Variants in ZNF467 observed in about 807,000 individuals in gnomAD.
ZNF467 encodes the protein zinc finger protein EZI.
In ZNF467, 51 loss-of-function variants were observed where a neutral mutation model predicts 47.8. The ratio of observed to expected loss-of-function variants is 1.07; its 90% CI spans 0.85 to 1.35. The LOEUF is 1.35. Among genes scored for constraint, ZNF467 ranks in the 40% most tolerant of loss-of-function variants. The pLI, the probability that ZNF467 is intolerant of heterozygous loss-of-function variation, is 0.00. For synonymous variants in ZNF467, 416 were observed against 372.9 expected (o/e 1.12, Z -1.33); for missense variants, 992 against 858.1 (o/e 1.16, Z -1.95).
upstream of ZNF467, among the ~76,000 whole-genome samples, chr7:149,774,086 G>T (rs1018822816): frequency 6.6e-6 from 1 of 152,038 alleles, no homozygotes; most frequent in Admixed American, 6.5e-5. This position sits in a 1 kb window ranked among gnomAD's most constrained non-coding sequence, Gnocchi z 5.7. Flanking sequence ...GCGGGGTCCG[G>T]GGGAGGGTCT....
At position 149,770,979 on chromosome 7, in the gene ZNF467, C is replaced by T. The variant is rs1228805876; in HGVS notation, c.34+20G>A. ...TCCTCCTAAGCTTTTCCCCAAGTCC[C>T]TTCATTTCTGCCAGCTCACCCAGGG... On this transcript the variant is annotated intron_variant, in intron 2 of 4. Transcript: ENST00000302017. The T allele has an allele frequency of 3.1e-6, 5 of 1,613,950 alleles. No homozygotes were observed. The highest frequency in any genetic ancestry group is 4.2e-6 in the Non-Finnish European group (5 of 1,179,954).
chr7:149,770,358 G>C, intron 3 of ZNF467, 82 bp downstream of exon 3: 1 of 766,290 alleles, frequency 1.3e-6, no homozygotes, highest in Admixed American at 3.0e-5. Context: ...GAGGGGGGAG[G>C]GAAGAAGGGA....
At position 149,770,881 on chromosome 7, in the gene ZNF467, A is replaced by ACAGG. The variant is rs1353429252; in HGVS notation, c.34+114_34+117dup. 3.8e-6 allele frequency: 5 copies of ACAGG among 1,306,046 alleles called. No homozygotes were observed. In the Admixed American group the frequency reaches 9.4e-5, roughly 25 times the overall value. 80.9% of individuals were successfully genotyped at this position (1,306,046 alleles called of 1,614,324 possible). A position where few individuals can be genotyped will look rare whatever the true frequency, so the allele number is the denominator to read the frequency against. On this transcript the variant is annotated intron_variant, in intron 2 of 4. Transcript: ENST00000302017. Reference sequence around the variant, plus strand: ...GTGCTACAGAAAAGGAGGCTGACCTACAGGCCCCTGGGGCCTCAGGGTTGC... The same window carrying ACAGG: ...GTGCTACAGAAAAGGAGGCTGACCTACAGGCAGGCCCCTGGGGCCTCAGGGTTGC...
intron 4 of ZNF467, among the ~76,000 whole-genome samples, chr7:149,767,026 G>A (rs1358637952): frequency 6.6e-6 from 1 of 152,242 alleles, no homozygotes; most frequent in Non-Finnish European, 1.5e-5. Context: ...AGGGGATTCC[G>A]CTGGAGTGTT....
At position 149,765,944 on chromosome 7, in the gene ZNF467, G is replaced by A. The variant is rs1381156212; in HGVS notation, c.558C>T (p.Gly186=). ...RLHQRLHRGE[G]PCACPDCGRS... is the part of the protein sequence containing the mutation. ...GGCCGCAGTCCGGGCAGGCGCAGGG[G>A]CCCTCGCCCCGGTGCAGCCGCTGGT... Residue 186 remains glycine, a synonymous_variant, in exon 5 of 5, where the codon GGC becomes GGT. Transcript: ENST00000302017. The A allele has an allele frequency of 6.4e-7, 1 of 1,552,864 alleles. No homozygotes were observed.
At chr7:149,775,935 C>T (rs1331942234), upstream of ZNF467, 12 of 859,370 alleles carry the variant, frequency 1.4e-5, no homozygotes, top group Middle Eastern at 8.4e-4. Context: ...GGGGAGGCTG[C>T]GTGGGGCAGG....
upstream of ZNF467, among the ~76,000 whole-genome samples, chr7:149,774,125 C>T (rs1205109966): frequency 6.6e-6 from 1 of 151,388 alleles, no homozygotes; most frequent in East Asian, 1.9e-4. The surrounding 1 kb of genome is among the most constrained non-coding windows in gnomAD (Gnocchi z 5.7). Flanking sequence ...GGGGAGGGCT[C>T]TATGGGCGGG....
upstream of ZNF467, chr7:149,776,215 C>CCCCCT: frequency 1.3e-6 from 1 of 788,296 alleles, no homozygotes; most frequent in Non-Finnish European, 1.8e-6. Context: ...CCCGCCACTT[C>CCCCCT]CCATGAGTGT....
In ZNF467 at chr7:149,764,868, C is replaced by G. The variant is rs762973603; in HGVS notation, c.1634G>C (p.Cys545Ser). Residue 545 changes from cysteine to serine, a missense_variant, in exon 5 of 5, where the codon TGC becomes TCC. By Grantham distance (112) the Cys-to-Ser change is moderately radical (BLOSUM62 -1). Coordinates refer to ENST00000302017, the MANE Select transcript of ZNF467 (RefSeq NM_207336.3). ...AIHTGSRPFS[C>S]PQCGKSFSRK... ...GCTGAAGCTCTTTCCGCACTGCGGG[C>G]AGGAGAAGGGGCGGGAGCCTGTGTG... The G allele has an allele frequency of 1.9e-6, 3 of 1,555,656 alleles. No individual in the cohort carries two copies. Among genetic ancestry groups the G allele is most frequent in the South Asian group, 2.4e-5 (2 of 85,020 alleles).
chr7:149,767,302 G>A (rs58347716), intron 4 of ZNF467, among the ~76,000 whole-genome samples: 9,444 of 152,372 alleles, frequency 0.062, 314 homozygotes, highest in Middle Eastern at 0.071. Flanking sequence ...CAAGGCCCAC[G>A]AACGTGTTCT....
At chr7:149,774,872 G>A (rs74526205), upstream of ZNF467, among the ~76,000 whole-genome samples, 8 of 152,044 alleles carry the variant, frequency 5.3e-5, no homozygotes, top group African/African-American at 1.9e-4. This position sits in a 1 kb window ranked among gnomAD's most constrained non-coding sequence, Gnocchi z 5.7. Context: ...AGGAGAGCCC[G>A]GCCCAGCTCT....
Position 149,771,205 on chromosome 7 carries a change from G to A in ZNF467, c.-42-131C>T, listed in dbSNP as rs1278982142. ...GTGACATCCCCAGGTACAGCTGGGG[G>A]AAATTTGGGAAACTGGGTTTAGAAA... On this transcript the variant is annotated intron_variant, in intron 1 of 4. Transcript: ENST00000302017. 1.3e-5 allele frequency: 9 copies of A among 683,380 alleles called. No individual in the cohort carries two copies. In the Admixed American group the frequency reaches 2.6e-4, roughly 20 times the overall value. 42.3% of individuals were successfully genotyped at this position (683,380 alleles called of 1,614,324 possible).
At chr7:149,768,330 C>A (rs113975478) in intron 4 of ZNF467, among the ~76,000 whole-genome samples, 3,630 of 152,312 alleles carry the variant, frequency 0.024, 60 homozygotes, top group Middle Eastern at 0.051. Context: ...GCTGCCACTT[C>A]TCGAGGACCA....
In ZNF467 at chr7:149,765,568, TG is replaced by T. The variant is rs1216003283; in HGVS notation, c.933del (p.His311GlnfsTer52). On this transcript the variant is annotated frameshift_variant, in exon 5 of 5. Coordinates refer to ENST00000302017, the MANE Select transcript of ZNF467 (RefSeq NM_207336.3). LOFTEE classifies it high-confidence loss of function. ...CTTTGGTGCCGCACCAAGTGCTGCT[TG>T]TGCGTGAAGCTGCGTGCGCACTGTG... ...QCAQCARSFT[H>X]KQHLVRHQRV... 9 of 1,589,654 alleles carry T rather than the reference TG, an allele frequency of 5.7e-6. No individual in the cohort carries two copies. Among genetic ancestry groups the T allele is most frequent in the Non-Finnish European group, 7.7e-6 (9 of 1,167,976 alleles).
At chr7:149,766,356 A>ACGCTTCC in intron 4 of ZNF467, 117 bp from the exon 5 acceptor site, 3 of 1,445,364 alleles carry the variant, frequency 2.1e-6, no homozygotes, top group Non-Finnish European at 2.7e-6. Context: ...ACTCTACCTA[A>ACGCTTCC]CGCTTCCCGG....
At chr7:149,776,181 C>T (rs1799573172), upstream of ZNF467, 6 of 1,127,838 alleles carry the variant, frequency 5.3e-6, no homozygotes, top group Non-Finnish European at 4.7e-6. Flanking sequence ...CCGTGCCCCC[C>T]ACCCCCGGGA....
chr7:149,764,842 G>T lies in ZNF467; in HGVS notation c.1660C>A (p.Arg554Ser), dbSNP rs368121549. 6.5e-7 allele frequency: 1 copy of T among 1,548,544 alleles called. No homozygotes were observed. Among genetic ancestry groups the T allele is most frequent in the Non-Finnish European group, 8.7e-7 (1 of 1,147,906 alleles). The change falls in exon 5 of 5, where the codon CGC becomes AGC. Residue 554 changes from arginine (R) to serine (S), a missense_variant. Transcript: ENST00000302017. ...SCPQCGKSFS[R>S]KTHLVRHQLI... ...TGGTGCCGCACCAGGTGGGTCTTGC[G>T]GCTGAAGCTCTTTCCGCACTGCGGG...
At chr7:149,774,989 A>G (rs1309943316), upstream of ZNF467, among the ~76,000 whole-genome samples, 1 of 152,088 alleles carries the variant, frequency 6.6e-6, no homozygotes, top group African/African-American at 2.4e-5. This position sits in a 1 kb window ranked among gnomAD's most constrained non-coding sequence, Gnocchi z 5.7. Flanking sequence ...GCCAGGCTGC[A>G]TTCCAGCCCG....
At position 149,764,888 on chromosome 7, in the gene ZNF467, T is replaced by C; in HGVS notation, c.1614A>G (p.Thr538=). 1 of 1,564,870 alleles carries C rather than the reference T, an allele frequency of 6.4e-7. No homozygotes were observed. The highest frequency in any genetic ancestry group is 8.6e-7 in the Non-Finnish European group (1 of 1,157,600). Residue 538 remains threonine, a synonymous_variant, in exon 5 of 5, where the codon ACA becomes ACG. Transcript: ENST00000302017. ...TNLVRHQAIH[T]GSRPFSCPQC... is the part of the protein sequence containing the mutation. Reference sequence around the variant, plus strand: ...GCGGGCAGGAGAAGGGGCGGGAGCCTGTGTGGATCGCCTGGTGGCGGACTA... The same window carrying C: ...GCGGGCAGGAGAAGGGGCGGGAGCCCGTGTGGATCGCCTGGTGGCGGACTA...
Sources: gnomAD v4.1 joint callset for allele counts (sites outside exome capture counted in the v4.1 genomes callset) on GRCh38, gnomAD v4.1.1 for gene constraint, Gnocchi (gnomAD v3.1) non-coding constraint, MANE v1.5 for transcripts, NCBI Gene and HGNC (gene_info 2026-07-23, HGNC 2026-07-21) for gene names.